Variants in NWD1 observed in about 807,000 individuals in gnomAD.
The protein encoded by NWD1 is NACHT and WD repeat domain containing 1.
A neutral mutation model predicts 135.1 loss-of-function variants in NWD1; 129 were observed. The observed-to-expected ratio is 0.96, with a 90% CI of 0.83 to 1.11. NWD1 has a LOEUF of 1.11. Ranked by LOEUF, NWD1 falls within the 50% of genes least tolerant of loss-of-function variation. The pLI is 0.00. For missense variants in NWD1, 1,740 were observed against 1,851.3 expected (o/e 0.94, Z 1.10); for synonymous variants, 773 against 786.0 (o/e 0.98, Z 0.28).
At chr19:16,790,625 G>T (rs1568383120) in intron 13 of NWD1, among the ~76,000 whole-genome samples, 1 of 122,964 alleles carries the variant, frequency 8.1e-6, no homozygotes, top group African/African-American at 2.8e-5. Flanking sequence ...AAAACTGAAA[G>T]TAACATTAAA....
chr19:16,797,925 C>T lies in NWD1; in HGVS notation c.3459+39C>T. 4 of 1,569,076 alleles carry T rather than the reference C, an allele frequency of 2.5e-6. No homozygotes were observed. The African/African-American group carries it at 4.1e-5, about 16-fold the overall frequency. On this transcript the variant is annotated intron_variant, in intron 16 of 18. Coordinates refer to ENST00000524140, the MANE Select transcript of NWD1 (RefSeq NM_001007525.5). Reference sequence around the variant, plus strand: ...TGGGACCCTTCATCCTCACCTCCACCTCGGGAACAGACACTGATTCTTTAG... The same window carrying T: ...TGGGACCCTTCATCCTCACCTCCACTTCGGGAACAGACACTGATTCTTTAG...
intron 5 of NWD1, among the ~76,000 whole-genome samples, chr19:16,745,996 A>G (rs1240639445): frequency 6.6e-6 from 1 of 152,164 alleles, no homozygotes; most frequent in Admixed American, 6.5e-5. Flanking sequence ...AACTCCTTGC[A>G]CAGTCGAAAA....
At chr19:16,725,656 G>A (rs143901094) in intron 2 of NWD1, among the ~76,000 whole-genome samples, 2,356 of 152,038 alleles carry the variant, frequency 0.015, 54 homozygotes, top group African/African-American at 0.052. Context: ...AGGTTCAAGC[G>A]ATGCTTCCGC....
At chr19:16,791,180 G>A (rs1311291062) in intron 13 of NWD1, among the ~76,000 whole-genome samples, 170 bp from the exon 14 acceptor site, 5 of 152,140 alleles carry the variant, frequency 3.3e-5, no homozygotes, top group African/African-American at 1.2e-4. Flanking sequence ...GCTGCAGTGA[G>A]CCATGATTGC....
At chr19:16,765,853 C>T (rs1160278791) in intron 10 of NWD1, among the ~76,000 whole-genome samples, 2 of 151,752 alleles carry the variant, frequency 1.3e-5, no homozygotes, top group African/African-American at 4.8e-5. Flanking sequence ...CCTGTCTCTA[C>T]TAAAAATACA....
chr19:16,739,705 T>C (rs969675957), intron 4 of NWD1, among the ~76,000 whole-genome samples: 2 of 152,230 alleles, frequency 1.3e-5, no homozygotes, highest in African/African-American at 2.4e-5. Context: ...GAGAGGTGTC[T>C]CTCTGGTAAA....
chr19:16,783,388 A>G (rs1471501006), intron 12 of NWD1, among the ~76,000 whole-genome samples: 1 of 152,080 alleles, frequency 6.6e-6, no homozygotes, highest in Non-Finnish European at 1.5e-5. Flanking sequence ...TAATCCCAGC[A>G]CTTTGGGAGG....
chr19:16,720,688 G>C (rs906609829), intron 1 of NWD1, among the ~76,000 whole-genome samples: 2 of 152,056 alleles, frequency 1.3e-5, no homozygotes, highest in Non-Finnish European at 2.9e-5. Context: ...CTGAGTAGCT[G>C]GGACTACAGG....
chr19:16,746,090 C>T (rs1049992140), intron 5 of NWD1, among the ~76,000 whole-genome samples: 1 of 152,268 alleles, frequency 6.6e-6, no homozygotes, highest in African/African-American at 2.4e-5. Flanking sequence ...TGTGGTGGCT[C>T]ATGCCTGTAA....
At position 16,791,378 on chromosome 19, in the gene NWD1, A is replaced by G. The variant is rs138501905; in HGVS notation, c.2969A>G (p.Glu990Gly). The change falls in exon 14 of 19, where the codon GAG becomes GGG. Residue 990 changes from glutamate to glycine, a missense_variant. Coordinates refer to ENST00000524140, the MANE Select transcript of NWD1 (RefSeq NM_001007525.5). ...AATGCTTGGAATCTGGAAACTGCAG[A>G]GCCGGTATTCCATATCCTGGGAGAT... ...KINAWNLETAEPVFHILGDAS... is the reference protein window; with the variant it reads ...KINAWNLETAGPVFHILGDAS... 225 of 1,613,934 alleles carry G rather than the reference A, an allele frequency of 1.4e-4. No individual in the cohort carries two copies. Among genetic ancestry groups the G allele is most frequent in the African/African-American group, 6.7e-5 (5 of 74,936 alleles).
intron 6 of NWD1, among the ~76,000 whole-genome samples, chr19:16,752,184 C>T (rs1350525459): frequency 6.6e-6 from 1 of 151,716 alleles, no homozygotes; most frequent in Non-Finnish European, 1.5e-5. Context: ...AAATGCTGGA[C>T]GACATAGTTT....
intron 1 of NWD1, among the ~76,000 whole-genome samples, chr19:16,720,878 C>G (rs972662293): frequency 2.0e-5 from 3 of 151,660 alleles, no homozygotes; most frequent in East Asian, 1.9e-4. Flanking sequence ...TGAGATGGAG[C>G]CTTGCTCTGT....
intron 2 of NWD1, among the ~76,000 whole-genome samples, chr19:16,728,281 CTT>C (rs397859118): frequency 0.038 from 4,515 of 119,856 alleles, 80 homozygotes; most frequent in Middle Eastern, 0.06. Context: ...GGTCACTGCT[CTT>C]TTTTTTTTTT....
At position 16,744,492 on chromosome 19, in the gene NWD1, G is replaced by A; in HGVS notation, c.270G>A (p.Leu90=). ...SRIDEKEWEV[L]RDHLTARPSD... ...TCGATGAGAAGGAGTGGGAGGTATT[G>A]AGGGACCATCTGACTGCCAGGCCAA... Residue 90 remains leucine, a synonymous_variant, in exon 5 of 19, where the codon TTG becomes TTA. Transcript: ENST00000524140. 6.5e-7 allele frequency: 1 copy of A among 1,536,054 alleles called. No individual in the cohort carries two copies. Among genetic ancestry groups the A allele is most frequent in the Non-Finnish European group, 8.7e-7 (1 of 1,146,846 alleles).
intron 2 of NWD1, among the ~76,000 whole-genome samples, chr19:16,726,938 G>A (rs1167209701): frequency 6.6e-6 from 1 of 152,050 alleles, no homozygotes; most frequent in Admixed American, 6.6e-5. Context: ...TGGTCCCCAA[G>A]TGAGAACTGC....
chr19:16,812,033 A>G (rs1422283803), intron 18 of NWD1, among the ~76,000 whole-genome samples: 1 of 152,174 alleles, frequency 6.6e-6, no homozygotes, highest in African/African-American at 2.4e-5. Context: ...AACAAAAAAC[A>G]GGCATAGTGG....
intron 4 of NWD1, among the ~76,000 whole-genome samples, chr19:16,738,880 T>C (rs1967965751): frequency 7.0e-6 from 1 of 143,536 alleles, no homozygotes; most frequent in African/African-American, 2.6e-5. Context: ...TAATACATTA[T>C]ATATTATATA....
intron 6 of NWD1, among the ~76,000 whole-genome samples, chr19:16,753,241 T>C (rs1968648699): frequency 6.6e-6 from 1 of 152,202 alleles, no homozygotes; most frequent in Admixed American, 6.5e-5. Flanking sequence ...CAGGAGCCCA[T>C]ATTTCTGTGA....
chr19:16,762,529 G>C (rs1185022323), intron 8 of NWD1, among the ~76,000 whole-genome samples: 2 of 151,168 alleles, frequency 1.3e-5, no homozygotes, highest in Non-Finnish European at 2.9e-5. Context: ...ACTCCTGCCT[G>C]GGCAACAGAG....
Sources: gnomAD v4.1 joint callset for allele counts (sites outside exome capture counted in the v4.1 genomes callset) on GRCh38, gnomAD v4.1.1 for gene constraint, MANE v1.5 for transcripts, NCBI Gene and HGNC (gene_info 2026-07-23, HGNC 2026-07-21) for gene names.